Variants in DGKG observed in about 807,000 individuals in gnomAD.
DGKG encodes DAG kinase gamma.
A neutral mutation model predicts 105.3 loss-of-function variants in DGKG; 78 were observed. The ratio of observed to expected loss-of-function variants is 0.74; its 90% CI spans 0.62 to 0.89. The LOEUF is 0.89. Ranked by LOEUF, DGKG falls within the 40% of genes least tolerant of loss-of-function variation. DGKG has a pLI of 0.00. For missense variants in DGKG, 958 were observed against 1,020.1 expected (o/e 0.94, Z 0.83); for synonymous variants, 346 against 367.1 (o/e 0.94, Z 0.66).
chr3:186,353,285 G>T (rs1001078350), intron 1 of DGKG, among the ~76,000 whole-genome samples: 4 of 152,078 alleles, frequency 2.6e-5, no homozygotes, highest in African/African-American at 7.2e-5. Flanking sequence ...CCCTTTGAGA[G>T]GTTAGGAGGG....
intron 20 of DGKG, among the ~76,000 whole-genome samples, chr3:186,241,847 G>A (rs1312890635): frequency 6.6e-6 from 1 of 152,186 alleles, no homozygotes; most frequent in Non-Finnish European, 1.5e-5. Context: ...CATCCTACAA[G>A]GAAGAAGGGT....
In DGKG at chr3:186,251,762, A is replaced by G; in HGVS notation, c.1758T>C (p.Gly586=). The change falls in exon 19 of 25, where the codon GGT becomes GGC. Residue 586 remains glycine, a synonymous_variant. Transcript: ENST00000265022. The stretch of plus-strand genomic sequence containing the variant: ...AGGTGATCTTTGACCAACTCACCAC[A>G]CCAATGGAGAAATAGTTGTTCATGA... ...YSIMNNYFSI[G]VDASIAHRFH... 2 of 1,614,078 alleles carry G rather than the reference A, an allele frequency of 1.2e-6. No individual in the cohort carries two copies. The highest frequency in any genetic ancestry group is 1.7e-6 in the Non-Finnish European group (2 of 1,179,974).
chr3:186,257,726 T>C, intron 17 of DGKG, 128 bp downstream of exon 17: 1 of 674,836 alleles, frequency 1.5e-6, no homozygotes, highest in Non-Finnish European at 2.6e-6. Context: ...TAGTCAAGTG[T>C]TGGTCCAGGG....
At chr3:186,182,499 CTG>C (rs1022012779) in intron 22 of DGKG, among the ~76,000 whole-genome samples, 1 of 152,178 alleles carries the variant, frequency 6.6e-6, no homozygotes, top group Admixed American at 6.5e-5. Context: ...TAATCCATGA[CTG>C]GTGCTGAGAA....
chr3:186,155,847 C>T (rs1716009204), intron 24 of DGKG, among the ~76,000 whole-genome samples: 4 of 152,198 alleles, frequency 2.6e-5, no homozygotes, highest in Non-Finnish European at 5.9e-5. Context: ...GCTAATTGGT[C>T]AGTGAAACAT....
intron 23 of DGKG, among the ~76,000 whole-genome samples, chr3:186,163,721 A>G (rs1444088694): frequency 6.6e-6 from 1 of 151,944 alleles, no homozygotes; most frequent in African/African-American, 2.4e-5. Flanking sequence ...GAATGTGAAG[A>G]AAAAGTCCTC....
At chr3:186,172,701 A>G (rs575160046) in intron 22 of DGKG, among the ~76,000 whole-genome samples, 51 of 152,366 alleles carry the variant, frequency 3.3e-4, no homozygotes, top group African/African-American at 1.2e-3. Context: ...CTTAATAAAT[A>G]GCCACTGATA....
At chr3:186,273,811 C>T (rs1722446270) in intron 10 of DGKG, among the ~76,000 whole-genome samples, 1 of 152,208 alleles carries the variant, frequency 6.6e-6, no homozygotes, top group East Asian at 1.9e-4. Flanking sequence ...CAGCCTGGAG[C>T]ACAGCCAGCG....
chr3:186,216,757 T>C (rs1352243807), intron 20 of DGKG, among the ~76,000 whole-genome samples: 1 of 152,144 alleles, frequency 6.6e-6, no homozygotes, highest in Non-Finnish European at 1.5e-5. Flanking sequence ...CAATGTTCCT[T>C]CTTCTCTTTT....
At chr3:186,151,672 A>T (rs1282250839) in intron 24 of DGKG, among the ~76,000 whole-genome samples, 1 of 152,188 alleles carries the variant, frequency 6.6e-6, no homozygotes, top group African/African-American at 2.4e-5. Flanking sequence ...GAGAGATGGC[A>T]TTCTGTGCTG....
rs1405108276 is a variant in DGKG, at chr3:186,226,400, G to A, written c.1827-14515C>T. Among the ~76,000 whole-genome samples the A allele has an allele frequency of 6.6e-6, 1 of 152,158 alleles. No homozygotes were observed. Among genetic ancestry groups the A allele is most frequent in the South Asian group, 2.1e-4 (1 of 4,824 alleles). On this transcript the variant is annotated intron_variant, in intron 20 of 24. Coordinates refer to ENST00000265022, the MANE Select transcript of DGKG (RefSeq NM_001346.3). The surrounding 1 kb of genome is among the most constrained non-coding windows in gnomAD (Gnocchi z 4.2). ...CCAGAACGTCAGCTCAAATCAGAGGGCATCCCGTGGTGTTATCTCCACCCC... is the reference window on the plus strand; with the variant it reads ...CCAGAACGTCAGCTCAAATCAGAGGACATCCCGTGGTGTTATCTCCACCCC...
At chr3:186,259,267 A>C (rs1013200429) in intron 16 of DGKG, among the ~76,000 whole-genome samples, 21 of 152,232 alleles carry the variant, frequency 1.4e-4, no homozygotes, top group Admixed American at 1.3e-3. Context: ...AGAATACACG[A>C]GGTGAAGCTG....
In DGKG at chr3:186,150,120, C is replaced by T. The variant is rs368236770; in HGVS notation, c.2346G>A (p.Ser782=). Residue 782 remains serine (S), a synonymous_variant, in exon 25 of 25, where the codon TCG becomes TCA. Coordinates refer to ENST00000265022, the MANE Select transcript of DGKG (RefSeq NM_001346.3). ...CTTTTGAACGGCTCTTCCTTCTCAACGAGAAGAAGCTGCTCTTCTGGGGAG... is the reference window on the plus strand; with the variant it reads ...CTTTTGAACGGCTCTTCCTTCTCAATGAGAAGAAGCTGCTCTTCTGGGGAG... ...MGPPQKSSFF[S]LRRKSRSKD 54 of 1,613,516 alleles carry T rather than the reference C, an allele frequency of 3.3e-5. No homozygotes were observed. The highest frequency in any genetic ancestry group is 4.2e-5 in the Non-Finnish European group (49 of 1,179,804).
intron 15 of DGKG, among the ~76,000 whole-genome samples, chr3:186,261,168 G>C (rs991153989): frequency 6.6e-6 from 1 of 152,190 alleles, no homozygotes; most frequent in South Asian, 2.1e-4. Flanking sequence ...TCCAGATCAC[G>C]GTGCCATCTG....
At chr3:186,253,266 C>T (rs1721311903) in intron 17 of DGKG, 84 bp from the exon 18 acceptor site, 4 of 1,054,808 alleles carry the variant, frequency 3.8e-6, no homozygotes, top group Non-Finnish European at 5.9e-6. Flanking sequence ...TGATCTGATG[C>T]TTGAACCCCT....
rs921856506 is a variant in DGKG at position 186,251,816 on chromosome 3, C to T, written c.1704G>A (p.Val568=). 1.2e-6 allele frequency: 2 copies of T among 1,613,892 alleles called. No homozygotes were observed. The highest frequency in any genetic ancestry group is 1.3e-5 in the African/African-American group (1 of 74,914). Residue 568 remains valine (V), a synonymous_variant, in exon 19 of 25, where the codon GTG becomes GTA. Transcript: ENST00000265022. ...WHLEVIPREE[V]ENGDQVPYSI... is the part of the protein sequence containing the mutation. ...TGTATGGGACCTGGTCCCCGTTTTCCACTTCCTCTCTGGGGATGACTTCCA... is the reference window on the plus strand; with the variant it reads ...TGTATGGGACCTGGTCCCCGTTTTCTACTTCCTCTCTGGGGATGACTTCCA...
At chr3:186,229,447 G>A (rs1720025779) in intron 20 of DGKG, among the ~76,000 whole-genome samples, 1 of 152,088 alleles carries the variant, frequency 6.6e-6, no homozygotes, top group South Asian at 2.1e-4. Flanking sequence ...GTTTCACCAT[G>A]TTGGCCAGGC....
chr3:186,171,670 T>A (rs1716824953), intron 22 of DGKG, among the ~76,000 whole-genome samples: 1 of 152,226 alleles, frequency 6.6e-6, no homozygotes, highest in African/African-American at 2.4e-5. Context: ...CTGCTCTTGG[T>A]TGAAGCTACA....
chr3:186,290,596 A>G (rs1253532477), intron 5 of DGKG, among the ~76,000 whole-genome samples: 1 of 152,218 alleles, frequency 6.6e-6, no homozygotes, highest in Non-Finnish European at 1.5e-5. Context: ...GATGACTCCT[A>G]CAACTGCCAC....
Sources: allele counts gnomAD v4.1 joint callset (sites outside exome capture counted in the v4.1 genomes callset), GRCh38; gene constraint gnomAD v4.1.1; non-coding constraint Gnocchi (gnomAD v3.1); transcripts MANE v1.5; gene names NCBI Gene and HGNC (gene_info 2026-07-23, HGNC 2026-07-21).